Variants in FXYD6 observed in about 807,000 individuals in gnomAD.
FXYD6 encodes the protein FXYD domain-containing ion transport regulator 6.
In FXYD6, 7 loss-of-function variants were observed where a neutral mutation model predicts 16.7. The observed-to-expected ratio is 0.42, with a 90% CI of 0.24 to 0.79. The LOEUF (loss-of-function observed/expected upper bound fraction) is 0.79, where lower values mean the gene tolerates loss of function less well. Ranked by LOEUF, FXYD6 falls within the 30% of genes least tolerant of loss-of-function variation. The pLI is 0.28. For synonymous variants in FXYD6, 49 were observed against 43.0 expected, an observed-to-expected ratio of 1.14 and a Z score of -0.54; for missense variants, 111 against 116.2, an observed-to-expected ratio of 0.95 and a Z score of 0.21.
intron 1 of FXYD6, among the ~76,000 whole-genome samples, chr11:117,850,288 G>A (rs1021540134): frequency 6.6e-6 from 1 of 151,274 alleles, no homozygotes; most frequent in East Asian, 1.9e-4. Context: ...AGTGTGGGCA[G>A]AACAGACCTG....
At chr11:117,841,511 G>T in intron 4 of FXYD6, 1 of 589,690 alleles carries the variant, frequency 1.7e-6, no homozygotes. Flanking sequence ...CTTCCTCCGT[G>T]ACTGCCCCAT....
intron 1 of FXYD6, among the ~76,000 whole-genome samples, chr11:117,851,529 T>C (rs1202430124): frequency 6.6e-6 from 1 of 152,258 alleles, no homozygotes; most frequent in African/African-American, 2.4e-5. Flanking sequence ...CCTCAGAAAC[T>C]GTGTGAAATA....
Position 117,858,703 on chromosome 11 carries a change from C to CTTTCTCTCTT in FXYD6, c.-5-15923_-5-15922insAAGAGAGAAA, listed in dbSNP as rs72107481. Among the ~76,000 whole-genome samples the CTTTCTCTCTT allele has an allele frequency of 4.2e-5, 4 of 95,490 alleles. No individual in the cohort carries two copies. The Admixed American group carries it at 5.0e-4, about 12-fold the overall frequency. The allele number at this position is 95,490 out of a possible 152,430, so 62.6% of individuals were successfully genotyped here. On this transcript the variant is annotated intron_variant, in intron 1 of 7. Transcript: ENST00000526014. ...TCTTTCTTTCTTTCTTTCTTTCTTT[C>CTTTCTCTCTT]TCTCTCTCTCTCCTTCCTTCCCTTC...
At chr11:117,839,639 GAAGGCTCCTC>G in intron 7 of FXYD6, 132 bp downstream of exon 7, 1 of 952,138 alleles carries the variant, frequency 1.1e-6, no homozygotes, top group Non-Finnish European at 1.6e-6. Context: ...TCAGACTCCT[GAAGGCTCCTC>G]AGGGCAGGGC....
intron 6 of FXYD6, 116 bp downstream of exon 6, chr11:117,840,203 G>A: frequency 7.2e-7 from 1 of 1,392,728 alleles, no homozygotes; most frequent in Non-Finnish European, 1.0e-6. Context: ...CCACTCTCCT[G>A]GCACTGCGGG....
intron 1 of FXYD6, among the ~76,000 whole-genome samples, 180 bp downstream of exon 1, chr11:117,876,412 C>T (rs550061892): frequency 6.6e-6 from 1 of 152,336 alleles, no homozygotes; most frequent in East Asian, 1.9e-4. Flanking sequence ...TTGTTTACAT[C>T]CCCAGCCCGG....
intron 1 of FXYD6, among the ~76,000 whole-genome samples, chr11:117,846,734 T>G (rs781356104): frequency 1.2e-4 from 18 of 152,246 alleles, no homozygotes; most frequent in Non-Finnish European, 2.5e-4. Flanking sequence ...TCAATTTGTC[T>G]GTACTGCATT....
At chr11:117,840,007 C>A (rs1231367051) in intron 6 of FXYD6, 177 bp from the exon 7 acceptor site, 10 of 768,760 alleles carry the variant, frequency 1.3e-5, no homozygotes, top group African/African-American at 1.0e-4. Flanking sequence ...CTTACAGGAA[C>A]CTGGTAACCT....
chr11:117,847,696 G>A (rs573864682), intron 1 of FXYD6, among the ~76,000 whole-genome samples: 137 of 152,108 alleles, frequency 9.0e-4, no homozygotes, highest in African/African-American at 3.1e-3. Flanking sequence ...ACATGGACTC[G>A]TCATTTTTTA....
chr11:117,870,390 C>A lies in FXYD6; in HGVS notation c.-6+6202G>T, dbSNP rs2057109928. On this transcript the variant is annotated intron_variant, in intron 1 of 7. Coordinates refer to ENST00000526014, the MANE Select transcript of FXYD6 (RefSeq NM_022003.4). This position sits in a 1 kb window ranked among gnomAD's most constrained non-coding sequence, Gnocchi z 4.2. ...AGGATGGGATCACCTCCCCCACACA[C>A]CTGCTGACAAAGGCCCATTCAAGAC... Among the ~76,000 whole-genome samples the A allele has an allele frequency of 6.6e-6, 1 of 152,214 alleles. No individual in the cohort carries two copies.
intron 1 of FXYD6, among the ~76,000 whole-genome samples, chr11:117,857,510 G>A (rs1213806454): frequency 6.6e-6 from 1 of 150,528 alleles, no homozygotes; most frequent in Non-Finnish European, 1.5e-5. Flanking sequence ...CCGGGTTCAA[G>A]CGATTCTCCT....
intron 1 of FXYD6, among the ~76,000 whole-genome samples, chr11:117,858,723 C>CCCTTCCCTTCCTT (rs2056823588): frequency 4.9e-5 from 2 of 41,204 alleles, no homozygotes; most frequent in South Asian, 1.1e-3. Context: ...CTCCTTCCTT[C>CCCTTCCCTTCCTT]CCTTCCTTCC....
chr11:117,856,881 C>T (rs1451709081), intron 1 of FXYD6, among the ~76,000 whole-genome samples: 3 of 152,124 alleles, frequency 2.0e-5, no homozygotes, highest in African/African-American at 7.2e-5. Flanking sequence ...CAGGGCAGGG[C>T]TCAGAACATG....
rs529468650 is a variant in FXYD6, at chr11:117,867,802, C to A, written c.-6+8790G>T. Among the ~76,000 whole-genome samples, 136 of 151,972 alleles carry A rather than the reference C, an allele frequency of 8.9e-4. 1 individual carries two copies. Among genetic ancestry groups the A allele is most frequent in the Middle Eastern group, 6.8e-3 (2 of 294 alleles). ...CTTCTTTGTTTATTCCAGTTCTCAA[C>A]CCTGGTTGTACCTTAGGATCACATG... is the stretch of plus-strand genomic sequence containing the variant. On this transcript the variant is annotated intron_variant, in intron 1 of 7. Coordinates refer to ENST00000526014, the MANE Select transcript of FXYD6 (RefSeq NM_022003.4).
chr11:117,847,605 C>T (rs148687178), intron 1 of FXYD6, among the ~76,000 whole-genome samples: 3,257 of 149,368 alleles, frequency 0.022, 111 homozygotes, highest in African/African-American at 0.075. Context: ...TGAGTGAGAA[C>T]ATGCGGTGTT....
chr11:117,868,216 T>C (rs574167826), intron 1 of FXYD6, among the ~76,000 whole-genome samples: 7 of 152,250 alleles, frequency 4.6e-5, no homozygotes, highest in African/African-American at 1.7e-4. Flanking sequence ...GCTGATGGTT[T>C]GGTATGTTTG....
In FXYD6 at chr11:117,870,718, G is replaced by A. The variant is rs2134210855; in HGVS notation, c.-6+5874C>T. 6.6e-6 allele frequency among the ~76,000 whole-genome samples: 1 copy of A among 152,282 alleles called. No homozygotes were observed. Among genetic ancestry groups the A allele is most frequent in the Non-Finnish European group, 1.5e-5 (1 of 68,020 alleles). Reference sequence around the variant, plus strand: ...CCTGCCTTTAGAGGAGGGGGCTGTTGACCTGACTCTGTCTCTGTTTCAGGA... The same window carrying A: ...CCTGCCTTTAGAGGAGGGGGCTGTTAACCTGACTCTGTCTCTGTTTCAGGA... On this transcript the variant is annotated intron_variant, in intron 1 of 7. Coordinates refer to ENST00000526014, the MANE Select transcript of FXYD6 (RefSeq NM_022003.4). The surrounding 1 kb of genome is among the most constrained non-coding windows in gnomAD (Gnocchi z 4.2).
intron 1 of FXYD6, among the ~76,000 whole-genome samples, chr11:117,864,361 G>C (rs2056969539): frequency 6.6e-6 from 1 of 152,194 alleles, no homozygotes; most frequent in Non-Finnish European, 1.5e-5. Flanking sequence ...TTTTCAACAA[G>C]TAAGTGCCAG....
Position 117,842,797 on chromosome 11 carries a change from G to A in FXYD6, c.-5-16C>T. On this transcript the variant is annotated splice_polypyrimidine_tract_variant and intron_variant, in intron 1 of 7. Transcript: ENST00000526014. ...TCCATGGCGTCTGGGGACAGAGGGA[G>A]GAAAAAATGATTCTCTGGCTAAGAA... is the stretch of plus-strand genomic sequence containing the variant. The A allele has an allele frequency of 1.3e-6, 2 of 1,554,290 alleles. No individual in the cohort carries two copies. Among genetic ancestry groups the A allele is most frequent in the Admixed American group, 2.0e-5 (1 of 51,038 alleles).
Sources: allele counts gnomAD v4.1 joint callset (sites outside exome capture counted in the v4.1 genomes callset), GRCh38; gene constraint gnomAD v4.1.1; non-coding constraint Gnocchi (gnomAD v3.1); transcripts MANE v1.5; gene names NCBI Gene and HGNC (gene_info 2026-07-23, HGNC 2026-07-21).